ADAMTSL1: variants seen among roughly 807,000 people sequenced by gnomAD.
ADAMTSL1 encodes ADAMTS like 1.
Under a neutral mutation model 201.8 loss-of-function variants are expected in ADAMTSL1, and 126 were observed. The observed-to-expected ratio is 0.62, with a 90% confidence interval of 0.54 to 0.72. ADAMTSL1 has a LOEUF of 0.72. ADAMTSL1 is among the 30% of genes least tolerant of loss of function. ADAMTSL1 has a pLI of 0.00. For synonymous variants in ADAMTSL1, 1,121 were observed against 903.4 expected, an observed-to-expected ratio of 1.24 and a Z score of -4.32; for missense variants, 2,679 against 2,277.8, an observed-to-expected ratio of 1.18 and a Z score of -3.59.
chr9:18,092,027 C>G (rs1475280938), intron 1 of ADAMTSL1, among the ~76,000 whole-genome samples: 4 of 152,118 alleles, frequency 2.6e-5, no homozygotes, highest in African/African-American at 9.7e-5. Context: ...GATATTTCCT[C>G]TGATATTTTT....
intron 22 of ADAMTSL1, among the ~76,000 whole-genome samples, chr9:18,827,526 A>G (rs1327069555): frequency 6.6e-6 from 1 of 152,190 alleles, no homozygotes; most frequent in Non-Finnish European, 1.5e-5. Context: ...ACTGGCTCAG[A>G]GAAAGATGTT....
At chr9:18,303,353 T>C (rs1368084389) in intron 2 of ADAMTSL1, among the ~76,000 whole-genome samples, 1 of 152,244 alleles carries the variant, frequency 6.6e-6, no homozygotes, top group African/African-American at 2.4e-5. Flanking sequence ...TAGTCAGGTC[T>C]TCCAGCCTCA....
intron 2 of ADAMTSL1, among the ~76,000 whole-genome samples, chr9:18,230,497 A>C (rs1056039683): frequency 6.6e-6 from 1 of 152,162 alleles, no homozygotes; most frequent in African/African-American, 2.4e-5. Context: ...TGGAATGTAG[A>C]ATCTAAAGGG....
chr9:18,381,868 AG>A (rs1325903895), intron 2 of ADAMTSL1, among the ~76,000 whole-genome samples: 7 of 152,172 alleles, frequency 4.6e-5, no homozygotes, highest in African/African-American at 1.7e-4. Context: ...AAGACAGCCA[AG>A]GGATGAAAGA....
intron 14 of ADAMTSL1, chr9:18,717,956 G>T (rs1365346730): frequency 3.4e-6 from 5 of 1,453,164 alleles, no homozygotes; most frequent in Non-Finnish European, 4.8e-6. Context: ...ACTCAGAGCT[G>T]CAATGCACTT....
intron 19 of ADAMTSL1, among the ~76,000 whole-genome samples, chr9:18,785,153 G>C (rs1295415353): frequency 4.3e-5 from 6 of 140,838 alleles, no homozygotes; most frequent in Non-Finnish European, 9.2e-5. Flanking sequence ...GACACAGTGA[G>C]ACTCCGTCTA....
intron 2 of ADAMTSL1, among the ~76,000 whole-genome samples, chr9:18,466,769 A>C (rs1563977519): frequency 1.3e-5 from 2 of 152,070 alleles, no homozygotes; most frequent in Non-Finnish European, 2.9e-5. Flanking sequence ...TAATTTTTTT[A>C]ACAGAGAAAC....
intron 2 of ADAMTSL1, among the ~76,000 whole-genome samples, chr9:18,260,342 A>G (rs1461682022): frequency 6.6e-6 from 1 of 152,262 alleles, no homozygotes; most frequent in Non-Finnish European, 1.5e-5. Context: ...TGTACAGCAA[A>G]ATATTTTCCA....
intron 2 of ADAMTSL1, among the ~76,000 whole-genome samples, chr9:18,183,262 A>G (rs1452207665): frequency 6.6e-6 from 1 of 152,240 alleles, no homozygotes; most frequent in Non-Finnish European, 1.5e-5. Flanking sequence ...ACAGAAACAC[A>G]AAACTAAAAA....
intron 2 of ADAMTSL1, among the ~76,000 whole-genome samples, chr9:18,426,000 G>A (rs1195391844): frequency 1.3e-5 from 2 of 152,084 alleles, no homozygotes; most frequent in Non-Finnish European, 2.9e-5. Flanking sequence ...GTGCCAACCC[G>A]TTTAGCATCA....
At chr9:18,517,787 A>C (rs1587435462) in intron 2 of ADAMTSL1, among the ~76,000 whole-genome samples, 1 of 151,974 alleles carries the variant, frequency 6.6e-6, no homozygotes, top group Admixed American at 6.6e-5. Context: ...ACATTTTCTT[A>C]ATCCAGTCTA....
intron 1 of ADAMTSL1, among the ~76,000 whole-genome samples, chr9:18,491,890 C>G (rs768800235): frequency 6.6e-6 from 1 of 152,060 alleles, no homozygotes; most frequent in Non-Finnish European, 1.5e-5. Context: ...AGGACAGGTT[C>G]TTTTAGACAG....
intron 2 of ADAMTSL1, among the ~76,000 whole-genome samples, chr9:18,408,883 T>G (rs1587105762): frequency 6.6e-6 from 1 of 152,284 alleles, no homozygotes; most frequent in East Asian, 1.9e-4. Context: ...AACCTAAACC[T>G]TTTAAGAGTA....
At chr9:18,621,433 C>T (rs1486269844) in intron 4 of ADAMTSL1, among the ~76,000 whole-genome samples, 2 of 152,062 alleles carry the variant, frequency 1.3e-5, no homozygotes, top group Non-Finnish European at 2.9e-5. Flanking sequence ...AGATATCTTA[C>T]TTGCATGGCT....
At chr9:18,640,408 G>C (rs1416653884) in intron 7 of ADAMTSL1, among the ~76,000 whole-genome samples, 1 of 152,112 alleles carries the variant, frequency 6.6e-6, no homozygotes, top group African/African-American at 2.4e-5. Flanking sequence ...AGCCCTTGGA[G>C]TACCATTAAA....
intron 3 of ADAMTSL1, among the ~76,000 whole-genome samples, chr9:18,554,194 T>G (rs1175677870): frequency 6.6e-6 from 1 of 151,736 alleles, no homozygotes; most frequent in Non-Finnish European, 1.5e-5. Flanking sequence ...TGATGACACC[T>G]GTTCTTTGGT....
rs550033651 is a variant in ADAMTSL1, at chr9:18,758,076, A to G, written c.2217+4568A>G. On this transcript the variant is annotated intron_variant, in intron 16 of 28. Coordinates refer to ENST00000380548, the MANE Select transcript of ADAMTSL1 (RefSeq NM_001040272.6). ...GTATTGTGAGCTTAATAGGAATTTG[A>G]ACATTCTCTTTTAACACTCATTCGC... 1.7e-4 allele frequency among the ~76,000 whole-genome samples: 26 copies of G among 152,280 alleles called. No homozygotes were observed. The East Asian group carries it at 3.3e-3, about 19-fold the overall frequency.
upstream of ADAMTSL1, chr9:18,473,952 T>G: frequency 2.5e-6 from 1 of 406,540 alleles, no homozygotes; most frequent in Non-Finnish European, 4.4e-6. Flanking sequence ...CCCCCTTTTT[T>G]GCTCGCACCG....
At chr9:18,348,457 T>C (rs1835821007) in intron 2 of ADAMTSL1, among the ~76,000 whole-genome samples, 1 of 152,216 alleles carries the variant, frequency 6.6e-6, no homozygotes, top group Non-Finnish European at 1.5e-5. Context: ...ACTAGTGTCA[T>C]CTATAAAATG....
Sources: allele counts gnomAD v4.1 joint callset (sites outside exome capture counted in the v4.1 genomes callset), GRCh38; gene constraint gnomAD v4.1.1; transcripts MANE v1.5; gene names NCBI Gene and HGNC (gene_info 2026-07-23, HGNC 2026-07-21).